The following RIT2 variants were observed in gnomAD, a reference collection of about 807,000 sequenced individuals.
RIT2 encodes GTP-binding protein Rit2.
A neutral mutation model predicts 23.7 loss-of-function variants in RIT2; 24 were observed. That is an observed-to-expected ratio of 1.01 (90% CI 0.73 to 1.43). The LOEUF (loss-of-function observed/expected upper bound fraction) is 1.43. Among genes scored for constraint, RIT2 ranks in the 40% most tolerant of loss-of-function variants. The probability of loss-of-function intolerance (pLI) is 0.00; values close to 1 mark genes in which losing one functional copy is unlikely to be tolerated. For synonymous variants in RIT2, 107 were observed against 91.1 expected, an observed-to-expected ratio of 1.17 and a Z score of -0.99; for missense variants, 236 against 266.9, an observed-to-expected ratio of 0.88 and a Z score of 0.81.
At chr18:42,983,259 G>GA (rs993161892) in intron 2 of RIT2, among the ~76,000 whole-genome samples, 2 of 151,990 alleles carry the variant, frequency 1.3e-5, no homozygotes, top group Non-Finnish European at 1.5e-5. Context: ...TTTAGTGGAG[G>GA]AAAAAATAAG....
chr18:43,055,728 C>A lies in RIT2; in HGVS notation c.104-21861G>T, dbSNP rs148889734. 2.9e-3 allele frequency among the ~76,000 whole-genome samples: 445 copies of A among 151,876 alleles called. 3 individuals are homozygous for A. Among genetic ancestry groups the A allele is most frequent in the African/African-American group, 0.01 (416 of 41,404 alleles). On this transcript the variant is annotated intron_variant, in intron 1 of 4. Transcript: ENST00000326695. Reference sequence around the variant, plus strand: ...TTAAATAAATGACATTATTTAGTACCAAGGATGGTACTGGAAGACTGGTTA... The same window carrying A: ...TTAAATAAATGACATTATTTAGTACAAAGGATGGTACTGGAAGACTGGTTA...
At chr18:42,972,834 G>T (rs1910393119) in intron 3 of RIT2, among the ~76,000 whole-genome samples, 1 of 151,720 alleles carries the variant, frequency 6.6e-6, no homozygotes, top group South Asian at 2.1e-4. Context: ...CTTTTGTATT[G>T]ACTGAAGTAT....
chr18:43,032,619 G>A (rs944145010), intron 2 of RIT2, among the ~76,000 whole-genome samples: 1 of 151,982 alleles, frequency 6.6e-6, no homozygotes, highest in Non-Finnish European at 1.5e-5. Context: ...ACTTTACAAA[G>A]TAGTTTCTTT....
At chr18:42,820,328 C>A (rs767878921) in intron 4 of RIT2, among the ~76,000 whole-genome samples, 33 of 151,670 alleles carry the variant, frequency 2.2e-4, no homozygotes, top group Non-Finnish European at 4.0e-4. Flanking sequence ...TGACCTCGAA[C>A]AGAAAATGAG....
chr18:42,928,069 A>T (rs1410299689), intron 3 of RIT2, among the ~76,000 whole-genome samples: 1 of 152,026 alleles, frequency 6.6e-6, no homozygotes, highest in African/African-American at 2.4e-5. Flanking sequence ...AAGGGCACAC[A>T]GATAGCATTA....
chr18:42,770,750 G>C (rs1474210471), intron 4 of RIT2, among the ~76,000 whole-genome samples: 1 of 151,020 alleles, frequency 6.6e-6, no homozygotes, highest in South Asian at 2.1e-4. Context: ...ATGTCTGTGA[G>C]TTGAGACTGT....
chr18:43,008,468 G>C (rs550399945), intron 2 of RIT2, among the ~76,000 whole-genome samples: 1 of 151,300 alleles, frequency 6.6e-6, no homozygotes, highest in African/African-American at 2.4e-5. Flanking sequence ...AGAGAGCTTT[G>C]GGGTAACTGG....
rs62090492 is a variant in RIT2 at position 43,087,863 on chromosome 18, T to A, written c.103+27554A>T. The stretch of plus-strand genomic sequence containing the variant: ...CACAAACAGCACTAGTCGGGAAACA[T>A]AAGTGACAATGATGTGAGCGATACA... On this transcript the variant is annotated intron_variant, in intron 1 of 4. Transcript: ENST00000326695. Among the ~76,000 whole-genome samples, 1,019 of 152,296 alleles carry A rather than the reference T, an allele frequency of 6.7e-3. 6 individuals carry two copies. Among genetic ancestry groups the A allele is most frequent in the Admixed American group, 0.013 (200 of 15,290 alleles).
chr18:43,018,823 T>C (rs946745920), intron 2 of RIT2, among the ~76,000 whole-genome samples: 1 of 151,480 alleles, frequency 6.6e-6, no homozygotes, highest in Non-Finnish European at 1.5e-5. Flanking sequence ...CACCTGAAAG[T>C]GAAAGGACAA....
chr18:42,842,863 T>G (rs1906805490), intron 4 of RIT2, among the ~76,000 whole-genome samples: 1 of 152,130 alleles, frequency 6.6e-6, no homozygotes, highest in Admixed American at 6.6e-5. Context: ...GCCTTATAAT[T>G]TGTCAAACCT....
intron 4 of RIT2, among the ~76,000 whole-genome samples, chr18:42,793,757 G>C (rs1157330312): frequency 6.6e-6 from 1 of 152,170 alleles, no homozygotes; most frequent in African/African-American, 2.4e-5. Flanking sequence ...GTGAAAGCAA[G>C]AAGTATTCTA....
At chr18:43,064,967 C>A (rs1912735431) in intron 1 of RIT2, among the ~76,000 whole-genome samples, 1 of 151,974 alleles carries the variant, frequency 6.6e-6, no homozygotes, top group South Asian at 2.1e-4. Flanking sequence ...CAGGCGTGCA[C>A]CACCATGCCC....
intron 2 of RIT2, among the ~76,000 whole-genome samples, chr18:43,006,012 T>C (rs1423267540): frequency 6.6e-6 from 1 of 151,576 alleles, no homozygotes; most frequent in Non-Finnish European, 1.5e-5. Flanking sequence ...AAAGTCTTTT[T>C]CATAACAAAA....
intron 2 of RIT2, among the ~76,000 whole-genome samples, chr18:42,982,317 G>A (rs4890420): frequency 0.21 from 31,171 of 151,950 alleles, 3,901 homozygotes; most frequent in African/African-American, 0.34. Context: ...TGTTCTCTGC[G>A]GGCCCCCAGT....
chr18:42,848,040 G>A (rs944280117), intron 4 of RIT2, among the ~76,000 whole-genome samples: 3 of 151,502 alleles, frequency 2.0e-5, no homozygotes, highest in Admixed American at 6.6e-5. Context: ...AATGTAGTAG[G>A]CAGATAGTGT....
At chr18:42,754,816 A>T (rs1683309208) in intron 4 of RIT2, among the ~76,000 whole-genome samples, 1 of 152,232 alleles carries the variant, frequency 6.6e-6, no homozygotes, top group African/African-American at 2.4e-5. Flanking sequence ...GAGACCACAG[A>T]GTCCATTATA....
intron 4 of RIT2, among the ~76,000 whole-genome samples, chr18:42,810,169 A>G (rs1408618745): frequency 6.6e-6 from 1 of 150,862 alleles, no homozygotes; most frequent in East Asian, 1.9e-4. Context: ...CTAAAGAAAG[A>G]GATTATTTAA....
chr18:43,058,896 GA>G (rs1225184489), intron 1 of RIT2, among the ~76,000 whole-genome samples: 1 of 151,694 alleles, frequency 6.6e-6, no homozygotes, highest in East Asian at 1.9e-4. Flanking sequence ...TCTCAAGAAA[GA>G]AAAAAATAGC....
intron 4 of RIT2, among the ~76,000 whole-genome samples, chr18:42,908,586 C>T (rs1192945649): frequency 1.3e-5 from 2 of 152,082 alleles, no homozygotes; most frequent in Non-Finnish European, 2.9e-5. Context: ...GGTTTAATGA[C>T]AGAATCTGTC....
Sources: allele counts gnomAD v4.1 joint callset (sites outside exome capture counted in the v4.1 genomes callset), GRCh38; gene constraint gnomAD v4.1.1; transcripts MANE v1.5; gene names NCBI Gene and HGNC (gene_info 2026-07-23, HGNC 2026-07-21).